UBASH3B: variants seen among roughly 807,000 people sequenced by gnomAD.
The protein encoded by UBASH3B is ubiquitin associated and SH3 domain containing B, also known as ubiquitin-associated and SH3 domain-containing protein B.
Under a neutral mutation model 83.4 loss-of-function variants are expected in UBASH3B, and 37 were observed. The ratio of observed to expected loss-of-function variants is 0.44; its 90% confidence interval spans 0.34 to 0.58. The LOEUF (loss-of-function observed/expected upper bound fraction) is 0.58. UBASH3B is among the 20% of genes least tolerant of loss of function. The pLI, the probability that UBASH3B is intolerant of heterozygous loss-of-function variation, is 0.01. For missense variants in UBASH3B, 657 were observed against 827.2 expected, an observed-to-expected ratio of 0.79 and a Z score of 2.52; for synonymous variants, 304 against 318.3, an observed-to-expected ratio of 0.96 and a Z score of 0.48.
At chr11:122,729,960 G>T (rs1860812078) in intron 1 of UBASH3B, among the ~76,000 whole-genome samples, 1 of 113,494 alleles carries the variant, frequency 8.8e-6, no homozygotes, top group South Asian at 3.5e-4. Context: ...CTGGGTGACA[G>T]AGTGAGACCC....
chr11:122,808,571 A>G (rs1479277612), intron 13 of UBASH3B, among the ~76,000 whole-genome samples: 3 of 152,218 alleles, frequency 2.0e-5, no homozygotes, highest in African/African-American at 7.2e-5. Flanking sequence ...AGGCCGAGGC[A>G]TGCAGCAGTT....
intron 1 of UBASH3B, among the ~76,000 whole-genome samples, chr11:122,772,361 C>T (rs1424960821): frequency 1.3e-5 from 2 of 152,080 alleles, no homozygotes; most frequent in South Asian, 2.1e-4. Context: ...TTGTACATCC[C>T]GTGATAATTC....
intron 1 of UBASH3B, among the ~76,000 whole-genome samples, chr11:122,715,712 A>G (rs1366920225): frequency 6.6e-6 from 1 of 152,184 alleles, no homozygotes; most frequent in South Asian, 2.1e-4. Flanking sequence ...GATAATTAAA[A>G]AACCAAAATC....
At chr11:122,783,338 CAG>C (rs1228591655) in intron 5 of UBASH3B, 116 bp downstream of exon 5, 7 of 1,249,150 alleles carry the variant, frequency 5.6e-6, no homozygotes, top group Non-Finnish European at 6.6e-6. Context: ...AAGCACCTAA[CAG>C]AGAGTCCGTT....
chr11:122,675,894 T>A (rs1270460195), intron 1 of UBASH3B, among the ~76,000 whole-genome samples: 1 of 152,232 alleles, frequency 6.6e-6, no homozygotes, highest in African/African-American at 2.4e-5. Flanking sequence ...AGAGCTTACA[T>A]TTGTTCTGAA....
chr11:122,713,024 C>T (rs1303958564), intron 1 of UBASH3B, among the ~76,000 whole-genome samples: 1 of 150,546 alleles, frequency 6.6e-6, no homozygotes, highest in Non-Finnish European at 1.5e-5. Context: ...TCTCCTGCCT[C>T]AGCCTCCCGA....
At chr11:122,803,445 C>T (rs1861288925) in intron 11 of UBASH3B, among the ~76,000 whole-genome samples, 1 of 152,052 alleles carries the variant, frequency 6.6e-6, no homozygotes, top group Admixed American at 6.6e-5. Flanking sequence ...AGGAAGAGAA[C>T]AGGAGGGAGG....
chr11:122,661,859 CA>C (rs34663505), intron 1 of UBASH3B, among the ~76,000 whole-genome samples: 2,018 of 105,416 alleles, frequency 0.019, 33 homozygotes, highest in African/African-American at 0.06. Context: ...GTCCTGGTTC[CA>C]AAAAAAAAAA....
At chr11:122,791,047 G>T (rs965217702) in intron 6 of UBASH3B, among the ~76,000 whole-genome samples, 5 of 152,152 alleles carry the variant, frequency 3.3e-5, no homozygotes, top group African/African-American at 7.2e-5. Flanking sequence ...AACTCAGGCC[G>T]ATGTATAGGT....
At chr11:122,736,070 C>T (rs1018311483) in intron 1 of UBASH3B, among the ~76,000 whole-genome samples, 1 of 152,032 alleles carries the variant, frequency 6.6e-6, no homozygotes, top group African/African-American at 2.4e-5. Context: ...ATATTCTGGC[C>T]CAAGACAGTG....
chr11:122,701,137 T>C (rs1864036026), intron 1 of UBASH3B, among the ~76,000 whole-genome samples: 1 of 152,236 alleles, frequency 6.6e-6, no homozygotes, highest in Non-Finnish European at 1.5e-5. Flanking sequence ...GTGATTCTGC[T>C]CCATCTGCTT....
intron 1 of UBASH3B, among the ~76,000 whole-genome samples, chr11:122,709,954 C>A (rs1462965519): frequency 6.6e-6 from 1 of 151,852 alleles, no homozygotes; most frequent in African/African-American, 2.4e-5. Context: ...GCCAGGAGTT[C>A]GAGACCGCCT....
intron 1 of UBASH3B, among the ~76,000 whole-genome samples, chr11:122,672,527 T>C (rs772506368): frequency 6.6e-6 from 1 of 152,142 alleles, no homozygotes; most frequent in Non-Finnish European, 1.5e-5. Flanking sequence ...GGTTTCACCA[T>C]GTTGGCCAGG....
At chr11:122,683,725 C>T (rs1863773823) in intron 1 of UBASH3B, among the ~76,000 whole-genome samples, 1 of 145,154 alleles carries the variant, frequency 6.9e-6, no homozygotes, top group Non-Finnish European at 1.5e-5. Flanking sequence ...CCTCAATTGC[C>T]TTATAATTAA....
intron 1 of UBASH3B, among the ~76,000 whole-genome samples, chr11:122,668,921 A>G (rs927957405): frequency 1.3e-5 from 2 of 152,196 alleles, no homozygotes; most frequent in African/African-American, 4.8e-5. Flanking sequence ...CGTCAGCGTG[A>G]GGAACAGAAG....
chr11:122,780,046 C>A lies in UBASH3B; in HGVS notation c.601+351C>A, dbSNP rs1337469174. 3.4e-4 allele frequency among the ~76,000 whole-genome samples: 52 copies of A among 152,146 alleles called. 1 individual carries two copies. Among genetic ancestry groups the A allele is most frequent in the Admixed American group, 3.4e-3 (52 of 15,272 alleles). ...ATTAAAGAAACATCCTTTCTCCCTC[C>A]CAAGCTCCCGCCCATGTAGGTGTTT... On this transcript the variant is annotated intron_variant, in intron 4 of 13. Coordinates refer to ENST00000284273, the MANE Select transcript of UBASH3B (RefSeq NM_032873.5).
chr11:122,685,560 A>C (rs1212387292), intron 1 of UBASH3B, among the ~76,000 whole-genome samples: 1 of 152,150 alleles, frequency 6.6e-6, no homozygotes, highest in Non-Finnish European at 1.5e-5. Context: ...TCTGTCACCC[A>C]AGCTGAAGTG....
intron 1 of UBASH3B, among the ~76,000 whole-genome samples, chr11:122,690,198 ATATATATATATCCAAT>A (rs1391576696): frequency 0.017 from 405 of 23,744 alleles, 20 homozygotes; most frequent in East Asian, 0.056. Flanking sequence ...ATATATATAT[ATATATATATATCCAAT>A]TATATATATA....
chr11:122,779,820 GA>G, intron 4 of UBASH3B, 125 bp downstream of exon 4: 1 of 1,152,758 alleles, frequency 8.7e-7, no homozygotes, highest in Non-Finnish European at 1.2e-6. Flanking sequence ...TGCAGGAATG[GA>G]CGTGTGACAA....
Sources: allele counts gnomAD v4.1 joint callset (sites outside exome capture counted in the v4.1 genomes callset), GRCh38; gene constraint gnomAD v4.1.1; transcripts MANE v1.5; gene names NCBI Gene and HGNC (gene_info 2026-07-23, HGNC 2026-07-21).